Variants in NUP153 observed in about 807,000 individuals in gnomAD.
The protein encoded by NUP153 is nuclear pore complex protein Nup153.
NUP153 carries 27 observed loss-of-function variants against 134.6 expected under a neutral mutation model. The observed-to-expected ratio is 0.20, with a 90% CI of 0.15 to 0.28. The LOEUF (loss-of-function observed/expected upper bound fraction) is 0.28, where lower values mean the gene tolerates loss of function less well. Ranked by LOEUF, NUP153 falls within the 10% of genes least tolerant of loss-of-function variation. The pLI is 1.00. For synonymous variants in NUP153, 640 were observed against 623.5 expected, an observed-to-expected ratio of 1.03 and a Z score of -0.40; for missense variants, 1,821 against 1,731.3, an observed-to-expected ratio of 1.05 and a Z score of -0.92.
Position 17,675,886 on chromosome 6 carries a change from T to A in NUP153, c.335-116A>T. ...ATATAATAGCTTCAATTCAAATCAC[T>A]GGGGCATCCCATAATAAGCCCAATA... On this transcript the variant is annotated intron_variant, in intron 2 of 21. Coordinates refer to ENST00000262077, the MANE Select transcript of NUP153 (RefSeq NM_005124.4). The surrounding 1 kb of genome is among the most constrained non-coding windows in gnomAD (Gnocchi z 4.4). 6 of 969,714 alleles carry A rather than the reference T, an allele frequency of 6.2e-6. No individual in the cohort carries two copies. Among genetic ancestry groups the A allele is most frequent in the Non-Finnish European group, 7.9e-6 (5 of 632,582 alleles). The allele number at this position is 969,714 out of a possible 1,614,324, so 60.1% of individuals were successfully genotyped here.
intron 14 of NUP153, among the ~76,000 whole-genome samples, chr6:17,643,269 T>C (rs1765949300): frequency 6.6e-6 from 1 of 152,180 alleles, no homozygotes; most frequent in African/African-American, 2.4e-5. Flanking sequence ...GGTCAGGAGT[T>C]CAAGACCAGC....
intron 11 of NUP153, among the ~76,000 whole-genome samples, chr6:17,660,434 GA>G (rs1767109397): frequency 6.6e-6 from 1 of 151,696 alleles, no homozygotes; most frequent in Admixed American, 6.6e-5. Flanking sequence ...AAAGTAGTTA[GA>G]AAAAAAGAGC....
chr6:17,661,571 C>A, intron 11 of NUP153, 82 bp downstream of exon 11: 1 of 1,378,250 alleles, frequency 7.3e-7, no homozygotes, highest in Non-Finnish European at 9.6e-7. Context: ...CTTCGAACCC[C>A]ACCCCTACAG....
intron 2 of NUP153, among the ~76,000 whole-genome samples, chr6:17,678,352 C>CA (rs11428582): frequency 0.15 from 10,267 of 67,794 alleles, 979 homozygotes; most frequent in Non-Finnish European, 0.21. Context: ...CCCTCTGTCT[C>CA]AAAAAAAAAA....
intron 13 of NUP153, among the ~76,000 whole-genome samples, chr6:17,647,047 G>A (rs543433491): frequency 5.3e-5 from 8 of 151,348 alleles, no homozygotes; most frequent in South Asian, 4.2e-4. Flanking sequence ...ATGAGCCACC[G>A]TGCCCGGCCT....
intron 8 of NUP153, among the ~76,000 whole-genome samples, chr6:17,667,485 C>T (rs372751834): frequency 2.6e-5 from 4 of 152,104 alleles, no homozygotes; most frequent in African/African-American, 4.8e-5. Flanking sequence ...GAGGCCGAGG[C>T]GGGCGGATCA....
intron 8 of NUP153, among the ~76,000 whole-genome samples, chr6:17,667,854 A>G (rs961429772): frequency 5.3e-5 from 8 of 152,214 alleles, no homozygotes; most frequent in African/African-American, 1.7e-4. Context: ...AGTAACCGCC[A>G]AAGTTAATTT....
At chr6:17,653,127 C>T (rs1321952091) in intron 11 of NUP153, among the ~76,000 whole-genome samples, 1 of 152,158 alleles carries the variant, frequency 6.6e-6, no homozygotes, top group African/African-American at 2.4e-5. Context: ...GCAGTGTCCG[C>T]CTGTAATCCC....
chr6:17,664,200 G>A (rs768468204), intron 9 of NUP153, among the ~76,000 whole-genome samples: 4 of 152,076 alleles, frequency 2.6e-5, no homozygotes, highest in African/African-American at 4.8e-5. Flanking sequence ...GGCTACTGAC[G>A]GGTATGGGTA....
chr6:17,706,470 G>C lies in NUP153; in HGVS notation c.-83C>G, dbSNP rs1770511380. 1 of 1,065,546 alleles carries C rather than the reference G, an allele frequency of 9.4e-7. No individual in the cohort carries two copies. The highest frequency in any genetic ancestry group is 1.6e-5 in the African/African-American group (1 of 61,936). The allele number at this position is 1,065,546 out of a possible 1,614,324, so 66.0% of individuals were successfully genotyped here. The stretch of plus-strand genomic sequence containing the variant: ...GCGGAGGCCTTAGAGAGCCTCCCCC[G>C]CCGCCCGGCCCCGGCCCAAAAGTCC... On this transcript the variant is annotated 5_prime_UTR_variant, in exon 1 of 22. Transcript: ENST00000262077. This position sits in a 1 kb window ranked among gnomAD's most constrained non-coding sequence, Gnocchi z 5.9.
chr6:17,658,084 A>G (rs1250038220), intron 11 of NUP153, among the ~76,000 whole-genome samples: 1 of 152,228 alleles, frequency 6.6e-6, no homozygotes, highest in East Asian at 1.9e-4. Context: ...ATGAACATAC[A>G]GTGCAGTGGT....
chr6:17,667,923 C>T (rs933232917), intron 8 of NUP153, among the ~76,000 whole-genome samples: 1 of 152,080 alleles, frequency 6.6e-6, no homozygotes, highest in African/African-American at 2.4e-5. Context: ...TTATCAGTTC[C>T]ACTATCTTGA....
chr6:17,688,757 C>T (rs1769101224), intron 1 of NUP153, 139 bp from the exon 2 acceptor site: 1 of 624,658 alleles, frequency 1.6e-6, no homozygotes, highest in Non-Finnish European at 2.8e-6. Flanking sequence ...ACAGTTACTG[C>T]TAACATAATG....
rs1331283576 is a variant in NUP153, at chr6:17,632,662, A to C, written c.2647T>G (p.Ser883Ala). ...TTTTTGGCCTTACCTTTAAACCCAG[A>C]TTTTGTGCCTGGCTTTGCACTTTCA... ...ACESAKPGTK[S>A]GFKGFDTSSS... Residue 883 changes from serine to alanine, a missense_variant, in exon 17 of 22, where the codon TCT becomes GCT. Ser to Ala is a moderately conservative substitution (Grantham distance 99). Transcript: ENST00000262077. 1.2e-6 allele frequency: 2 copies of C among 1,604,308 alleles called. No homozygotes were observed. The highest frequency in any genetic ancestry group is 1.7e-6 in the Non-Finnish European group (2 of 1,175,742).
chr6:17,700,837 C>T (rs1770006927), intron 1 of NUP153, among the ~76,000 whole-genome samples: 1 of 152,210 alleles, frequency 6.6e-6, no homozygotes, highest in African/African-American at 2.4e-5. Context: ...CAATTTACCA[C>T]AGCAAAGCCT....
intron 1 of NUP153, among the ~76,000 whole-genome samples, chr6:17,690,674 AGTCAAAGAAAGG>A (rs781567726): frequency 1.5e-4 from 23 of 152,224 alleles, no homozygotes; most frequent in Non-Finnish European, 2.9e-4. Flanking sequence ...TCAAAGAAAG[AGTCAAAGAAAGG>A]AAAAAAATGA....
chr6:17,644,066 A>G (rs1187422466), intron 14 of NUP153, among the ~76,000 whole-genome samples: 1 of 152,146 alleles, frequency 6.6e-6, no homozygotes, highest in Non-Finnish European at 1.5e-5. Context: ...AAAAAAGATA[A>G]GGTTGCAAAC....
intron 20 of NUP153, among the ~76,000 whole-genome samples, chr6:17,620,006 G>C (rs1363050898): frequency 6.8e-6 from 1 of 148,096 alleles, no homozygotes; most frequent in African/African-American, 2.5e-5. Flanking sequence ...GCTGAGGCAG[G>C]AGAATTGCTG....
intron 1 of NUP153, among the ~76,000 whole-genome samples, chr6:17,699,585 C>T (rs1322460805): frequency 6.6e-6 from 1 of 152,052 alleles, no homozygotes; most frequent in Non-Finnish European, 1.5e-5. Context: ...GCCTGTAATC[C>T]CAGCACTTTG....
Sources: gnomAD v4.1 joint callset for allele counts (sites outside exome capture counted in the v4.1 genomes callset) on GRCh38, gnomAD v4.1.1 for gene constraint, Gnocchi (gnomAD v3.1) non-coding constraint, MANE v1.5 for transcripts, NCBI Gene and HGNC (gene_info 2026-07-23, HGNC 2026-07-21) for gene names.